The following DNAAF1 variants were observed in gnomAD, a reference collection of about 807,000 sequenced individuals.
DNAAF1 encodes dynein axonemal assembly factor 1, also known as dynein assembly factor 1, axonemal.
A neutral mutation model predicts 71.1 loss-of-function variants in DNAAF1; 65 were observed. The observed-to-expected ratio is 0.91, with a 90% CI of 0.75 to 1.12. The LOEUF is 1.12. Among genes scored for constraint, DNAAF1 ranks in the 50% most tolerant of loss-of-function variants. The pLI is 0.00. For synonymous variants in DNAAF1, 414 were observed against 354.6 expected (o/e 1.17, Z -1.88); for missense variants, 1,178 against 899.8 (o/e 1.31, Z -3.96).
intron 3 of DNAAF1, among the ~76,000 whole-genome samples, chr16:84,153,426 T>G (rs1210296159): frequency 6.6e-6 from 1 of 152,134 alleles, no homozygotes; most frequent in Non-Finnish European, 1.5e-5. Flanking sequence ...TAACCAAAAT[T>G]TTTGTGGAAA....
At chr16:84,171,270 C>G (rs773624117) in intron 8 of DNAAF1, among the ~76,000 whole-genome samples, 3 of 152,038 alleles carry the variant, frequency 2.0e-5, no homozygotes, top group Non-Finnish European at 4.4e-5. Context: ...AAGCCCCCTT[C>G]CCCGCAACCC....
intron 11 of DNAAF1, chr16:84,177,177 C>T (rs1318092916): frequency 1.1e-5 from 2 of 184,712 alleles, no homozygotes; most frequent in African/African-American, 4.7e-5. Context: ...CACTGAGTGG[C>T]CTTCTCTTCC....
At chr16:84,150,114 A>G (rs1214049338) in intron 2 of DNAAF1, 137 bp from the exon 3 acceptor site, 11 of 665,604 alleles carry the variant, frequency 1.7e-5, no homozygotes, top group Middle Eastern at 6.1e-4. Flanking sequence ...AGAGAAAAAG[A>G]CGAACTTAAA....
At chr16:84,172,153 A>AG (rs2088390884) in intron 8 of DNAAF1, 107 bp from the exon 9 acceptor site, 1 of 1,032,278 alleles carries the variant, frequency 9.7e-7, no homozygotes, top group Non-Finnish European at 1.5e-6. Flanking sequence ...TTGGGATTAC[A>AG]GGCATGAGCC....
Position 84,177,737 on chromosome 16 carries a change from G to C in DNAAF1, c.2074G>C (p.Glu692Gln). The C allele has an allele frequency of 6.2e-7, 1 of 1,613,774 alleles. No homozygotes were observed. Among genetic ancestry groups the C allele is most frequent in the African/African-American group, 1.3e-5 (1 of 75,034 alleles). The change falls in exon 12 of 12, where the codon GAG becomes CAG. Residue 692 changes from glutamate (E) to glutamine (Q), a missense_variant. Coordinates refer to ENST00000378553, the MANE Select transcript of DNAAF1 (RefSeq NM_178452.6). ...FLAASSPVPTESAATPPETCV... is the reference protein window; with the variant it reads ...FLAASSPVPTQSAATPPETCV... The stretch of plus-strand genomic sequence containing the variant: ...CACCCTTCCTTCCACAGTGCCGACT[G>C]AGAGCGCCGCCACACCCCCAGAGAC...
intron 3 of DNAAF1, 79 bp from the exon 4 acceptor site, chr16:84,154,495 ATAG>A (rs1048021536): frequency 3.2e-5 from 39 of 1,220,574 alleles, no homozygotes; most frequent in Middle Eastern, 2.7e-4. Context: ...TCAGTTCCTA[ATAG>A]TAGGCAAAAA....
intron 5 of DNAAF1, among the ~76,000 whole-genome samples, chr16:84,158,008 C>A (rs1476702361): frequency 2.0e-5 from 3 of 152,104 alleles, no homozygotes; most frequent in South Asian, 4.2e-4. Context: ...GAGATCGAGA[C>A]CTTCCTGGCT....
At chr16:84,156,563 C>G (rs1420930066) in intron 5 of DNAAF1, among the ~76,000 whole-genome samples, 1 of 152,146 alleles carries the variant, frequency 6.6e-6, no homozygotes, top group Non-Finnish European at 1.5e-5. Context: ...CTGGTCTAGC[C>G]ATTATGAAGT....
intron 3 of DNAAF1, among the ~76,000 whole-genome samples, chr16:84,152,554 G>A (rs934134162): frequency 6.6e-6 from 1 of 151,486 alleles, no homozygotes; most frequent in African/African-American, 2.4e-5. Context: ...TGAGGCTGAG[G>A]CAGGAGAATC....
At chr16:84,177,653 T>C in intron 11 of DNAAF1, 76 bp from the exon 12 acceptor site, 3 of 1,314,208 alleles carry the variant, frequency 2.3e-6, no homozygotes, top group Non-Finnish European at 2.2e-6. Context: ...TGGCCTGGAC[T>C]GAACCCCAAG....
Position 84,154,744 on chromosome 16 carries a change from A to C in DNAAF1, c.520A>C (p.Lys174Gln), listed in dbSNP as rs748139658. The change falls in exon 4 of 12, where the codon AAA becomes CAA. Residue 174 changes from lysine to glutamine, a missense_variant. By Grantham distance (53) the Lys-to-Gln change is moderately conservative. Transcript: ENST00000378553. ...RKIENLEPLQKLDALNLSNNY... is the reference protein window; with the variant it reads ...RKIENLEPLQQLDALNLSNNY... ...AATTGAGAACCTGGAACCTCTGCAGAAACTGGATGCTCTTAACCTCAGCAA... is the reference window on the plus strand; with the variant it reads ...AATTGAGAACCTGGAACCTCTGCAGCAACTGGATGCTCTTAACCTCAGCAA... 1.2e-6 allele frequency: 2 copies of C among 1,614,062 alleles called. No homozygotes were observed. Among genetic ancestry groups the C allele is most frequent in the East Asian group, 2.2e-5 (1 of 44,894 alleles).
rs192887271 is a variant in DNAAF1 at position 84,177,621 on chromosome 16, G to A, written c.2066-108G>A. 5.9e-4 allele frequency: 536 copies of A among 904,820 alleles called. 1 individual carries two copies. The highest frequency in any genetic ancestry group is 8.6e-4 in the Middle Eastern group (4 of 4,660). The allele number at this position is 904,820 out of a possible 1,614,324, so 56.0% of individuals were successfully genotyped here. On this transcript the variant is annotated intron_variant, in intron 11 of 11. Transcript: ENST00000378553. The stretch of plus-strand genomic sequence containing the variant: ...TGGGATTACAGGTATGAGCCACCAC[G>A]CCCAGTTGAGGACACTGAATTTGGC...
chr16:84,173,441 G>T lies in DNAAF1; in HGVS notation c.1644+1066G>T, dbSNP rs1037628366. ...ATCACGCCACTGCACTCCAACCTGGGCGACAGAGCGAGACTCCATCTCAAA... is the reference window on the plus strand; with the variant it reads ...ATCACGCCACTGCACTCCAACCTGGTCGACAGAGCGAGACTCCATCTCAAA... On this transcript the variant is annotated intron_variant, in intron 9 of 11. Transcript: ENST00000378553. 2.7e-5 allele frequency: 26 copies of T among 964,734 alleles called. No homozygotes were observed. The African/African-American group carries it at 4.6e-4, about 17-fold the overall frequency. The allele number at this position is 964,734 out of a possible 1,614,324, so 59.8% of individuals were successfully genotyped here.
Position 84,150,342 on chromosome 16 carries a change from G to GTC in DNAAF1, c.352_352+1insTC (p.Gly118ValfsTer44), listed in dbSNP as rs2087125722. On this transcript the variant is annotated frameshift_variant and splice_region_variant. Transcript: ENST00000378553. LOFTEE classifies it high-confidence loss of function. Reference sequence around the variant, plus strand: ...TGATACGCTGTATTTACACTTTAAAGGTAAGGACCTAAGAGAGGAAGTGCT... The same window carrying GTC: ...TGATACGCTGTATTTACACTTTAAAGTCGTAAGGACCTAAGAGAGGAAGTGCT... 1 of 1,606,196 alleles carries GTC rather than the reference G, an allele frequency of 6.2e-7. No individual in the cohort carries two copies. The highest frequency in any genetic ancestry group is 8.5e-7 in the Non-Finnish European group (1 of 1,172,922).
In DNAAF1 at chr16:84,145,523, C is replaced by T. The variant is rs775095917; in HGVS notation, c.83C>T (p.Ala28Val). 126 of 1,554,882 alleles carry T rather than the reference C, an allele frequency of 8.1e-5. No individual in the cohort carries two copies. In the East Asian group the frequency reaches 2.6e-3, roughly 32 times the overall value. The change falls in exon 1 of 12, where the codon GCG (alanine) becomes GTG (valine). Residue 28 changes from alanine to valine, a missense_variant. By Grantham distance (64) the Ala-to-Val change is moderately conservative. Transcript: ENST00000378553. ...CAQEPGVEES[A>V]GDHGSAGRGG... ...CAGGAGCCCGGCGTGGAGGAGTCTG[C>T]GGGTGACCACGGGAGCGCAGGCCGA...
chr16:84,166,320 T>G (rs1370833824), intron 7 of DNAAF1, among the ~76,000 whole-genome samples: 1 of 151,794 alleles, frequency 6.6e-6, no homozygotes, highest in East Asian at 1.9e-4. Context: ...CCCAAAGTGC[T>G]GGGATTACAG....
intron 9 of DNAAF1, chr16:84,172,702 G>C (rs1044158014): frequency 4.2e-6 from 5 of 1,197,344 alleles, no homozygotes; most frequent in Non-Finnish European, 4.2e-6. Context: ...TTGCTAAGTG[G>C]TTCTGACTAG....
intron 4 of DNAAF1, among the ~76,000 whole-genome samples, chr16:84,155,109 C>G (rs536845869): frequency 2.6e-5 from 4 of 152,100 alleles, no homozygotes; most frequent in Non-Finnish European, 5.9e-5. Flanking sequence ...GGGGTTTCAC[C>G]GTGTTAGCCA....
intron 3 of DNAAF1, 71 bp downstream of exon 3, chr16:84,150,413 T>C (rs2087128137): frequency 8.4e-6 from 10 of 1,191,226 alleles, no homozygotes; most frequent in Non-Finnish European, 1.3e-5. Flanking sequence ...AAAAATTACT[T>C]GCAGGGATCA....
Sources: gnomAD v4.1 joint callset for allele counts (sites outside exome capture counted in the v4.1 genomes callset) on GRCh38, gnomAD v4.1.1 for gene constraint, MANE v1.5 for transcripts, NCBI Gene and HGNC (gene_info 2026-07-23, HGNC 2026-07-21) for gene names.